PLAGL2: variants seen among roughly 807,000 people sequenced by gnomAD.
PLAGL2 encodes the protein PLAG1 like zinc finger 2, also known as zinc finger protein PLAGL2.
A neutral mutation model predicts 29.0 loss-of-function variants in PLAGL2; 7 were observed. The observed-to-expected ratio is 0.24, with a 90% CI of 0.14 to 0.45. The LOEUF (loss-of-function observed/expected upper bound fraction) is 0.45. Ranked by LOEUF, PLAGL2 falls within the 20% of genes least tolerant of loss-of-function variation. PLAGL2 has a pLI of 0.99. For synonymous variants in PLAGL2, 234 were observed against 266.0 expected (o/e 0.88, Z 1.17); for missense variants, 454 against 648.2 (o/e 0.70, Z 3.25).
intron 1 of PLAGL2, among the ~76,000 whole-genome samples, chr20:32,205,188 G>A (rs2047279848): frequency 6.6e-6 from 1 of 152,146 alleles, no homozygotes; most frequent in Non-Finnish European, 1.5e-5. Context: ...CCTTCTCTGA[G>A]GTCTCGGCTG....
In PLAGL2 at chr20:32,194,057, T is replaced by A. The variant is rs1175979370; in HGVS notation, c.*2395A>T. On this transcript the variant is annotated 3_prime_UTR_variant, in exon 3 of 3. Transcript: ENST00000246229. ...TTAAACAGTTGCTTTGCCAGTCCTA[T>A]GACTTTTCCAGCATCACTTACGGGG... 1.3e-5 allele frequency: 2 copies of A among 152,662 alleles called. No homozygotes were observed. The highest frequency in any genetic ancestry group is 6.5e-5 in the Admixed American group (1 of 15,288). 9.5% of individuals were successfully genotyped at this position (152,662 alleles called of 1,614,324 possible).
rs1269791351 is a variant in PLAGL2, at chr20:32,194,937, G to A, written c.*1515C>T. The A allele has an allele frequency of 2.0e-5, 3 of 152,790 alleles. No individual in the cohort carries two copies. Among genetic ancestry groups the A allele is most frequent in the Admixed American group, 6.5e-5 (1 of 15,306 alleles). The allele number at this position is 152,790 out of a possible 1,614,324, so 9.5% of individuals were successfully genotyped here. On this transcript the variant is annotated 3_prime_UTR_variant, in exon 3 of 3. Transcript: ENST00000246229. ...AGTGAAGCCCATGAAGAACTGAGAT[G>A]AAGCAAGGATGGGGTTCCTGGGCTC...
chr20:32,203,569 T>C (rs1187347419), intron 1 of PLAGL2, among the ~76,000 whole-genome samples: 2 of 152,184 alleles, frequency 1.3e-5, no homozygotes, highest in African/African-American at 2.4e-5. Flanking sequence ...GGCTTTTCCA[T>C]GTGAAGAGAG....
chr20:32,196,783 G>A lies in PLAGL2; in HGVS notation c.1160C>T (p.Ala387Val), dbSNP rs912065128. 2 of 1,609,130 alleles carry A rather than the reference G, an allele frequency of 1.2e-6. No individual in the cohort carries two copies. The highest frequency in any genetic ancestry group is 2.7e-5 in the African/African-American group (2 of 74,870). Residue 387 changes from alanine to valine, a missense_variant, in exon 3 of 3, where the codon GCT (alanine) becomes GTT (valine). Coordinates refer to ENST00000246229, the MANE Select transcript of PLAGL2 (RefSeq NM_002657.3). Reference protein sequence around the residue: ...PQPASPQPAAAAALLDEALLA... With the variant: ...PQPASPQPAAVAALLDEALLA... ...CAGTGCTTCATCTAGGAGGGCCGCA[G>A]CTGCCGCCGGCTGAGGTGAGGCGGG...
In PLAGL2 at chr20:32,197,157, G is replaced by T; in HGVS notation, c.786C>A (p.Cys262Ter). 1 of 1,614,200 alleles carries T rather than the reference G, an allele frequency of 6.2e-7. No homozygotes were observed. Among genetic ancestry groups the T allele is most frequent in the Non-Finnish European group, 8.5e-7 (1 of 1,180,016 alleles). ...EPVDMLGLLS[C>*]SSTVSVKEEL... ...CTTCCTTCACACTGACTGTGGAGCT[G>T]CAGCTGAGTAGGCCTAACATGTCCA... The change falls in exon 3 of 3, where the codon TGC becomes TGA. Residue 262 changes from cysteine to a stop codon, truncating the protein, a stop_gained. Transcript: ENST00000246229. LOFTEE classifies it high-confidence loss of function. This position sits in a 1 kb window ranked among gnomAD's most constrained non-coding sequence, Gnocchi z 6.6.
Position 32,197,316 on chromosome 20 carries a change from G to A in PLAGL2, c.627C>T (p.His209=). ...RFYTRKDVRR[H]LVVHTGRKDF... is the part of the protein sequence containing the mutation. ...CCTTACGGCCTGTGTGCACCACTAG[G>A]TGCCGCCGTACATCCTTACGAGTAT... Residue 209 remains histidine (H), a synonymous_variant, in exon 3 of 3, where the codon CAC becomes CAT. Transcript: ENST00000246229. This position sits in a 1 kb window ranked among gnomAD's most constrained non-coding sequence, Gnocchi z 6.6. 1.9e-6 allele frequency: 3 copies of A among 1,605,210 alleles called. No individual in the cohort carries two copies. Among genetic ancestry groups the A allele is most frequent in the African/African-American group, 1.3e-5 (1 of 74,956 alleles).
At position 32,202,056 on chromosome 20, in the gene PLAGL2, T is replaced by C. The variant is rs376434091; in HGVS notation, c.123A>G (p.Gln41=). 4.5e-5 allele frequency: 73 copies of C among 1,614,108 alleles called. No individual in the cohort carries two copies. Among genetic ancestry groups the C allele is most frequent in the Non-Finnish European group, 5.6e-5 (66 of 1,180,046 alleles). The change falls in exon 2 of 3, where the codon CAA becomes CAG. Residue 41 remains glutamine, a synonymous_variant. Coordinates refer to ENST00000246229, the MANE Select transcript of PLAGL2 (RefSeq NM_002657.3). ...AGAAAGGTGTTCCCGAAATTTCACATTGGCACTTCACTTGACTCTCCGCCT... is the reference window on the plus strand; with the variant it reads ...AGAAAGGTGTTCCCGAAATTTCACACTGGCACTTCACTTGACTCTCCGCCT... The part of the protein sequence containing the change: ...GREAESQVKC[Q]CEISGTPFSN...
chr20:32,197,054 T>C lies in PLAGL2; in HGVS notation c.889A>G (p.Met297Val). 1 of 1,614,194 alleles carries C rather than the reference T, an allele frequency of 6.2e-7. No individual in the cohort carries two copies. Among genetic ancestry groups the C allele is most frequent in the Non-Finnish European group, 8.5e-7 (1 of 1,180,028 alleles). ...KAFPGMLPMG[M>V]YGAHIPTMPS... ...ATGGTAGGGATGTGGGCACCATACA[T>C]GCCCATGGGCAACATGCCAGGGAAG... is the stretch of plus-strand genomic sequence containing the variant. The change falls in exon 3 of 3, where the codon ATG becomes GTG. Residue 297 changes from methionine to valine, a missense_variant. Met to Val is a conservative substitution (Grantham distance 21). Around this residue, in one of 4 missense-constraint regions of PLAGL2, gnomAD observed 247 missense variants for 350.3 expected, o/e 0.71. Coordinates refer to ENST00000246229, the MANE Select transcript of PLAGL2 (RefSeq NM_002657.3). This position sits in a 1 kb window ranked among gnomAD's most constrained non-coding sequence, Gnocchi z 6.6.
rs1372987835 is a variant in PLAGL2, at chr20:32,193,489, T to G, written c.*2963A>C. The stretch of plus-strand genomic sequence containing the variant: ...GATCCTTTGAGCTGACACCTGGGCA[T>G]GTCATCCCCTTACCCCCAGGACTGT... On this transcript the variant is annotated 3_prime_UTR_variant, in exon 3 of 3. Coordinates refer to ENST00000246229, the MANE Select transcript of PLAGL2 (RefSeq NM_002657.3). 1.3e-5 allele frequency: 2 copies of G among 152,182 alleles called. No homozygotes were observed. Among genetic ancestry groups the G allele is most frequent in the East Asian group, 3.9e-4 (2 of 5,192 alleles). 9.4% of individuals were successfully genotyped at this position (152,182 alleles called of 1,614,324 possible).
intron 2 of PLAGL2, among the ~76,000 whole-genome samples, chr20:32,199,896 C>T (rs2047249970): frequency 6.6e-6 from 1 of 151,970 alleles, no homozygotes; most frequent in Non-Finnish European, 1.5e-5. Context: ...GTTCCCTTAA[C>T]TTATAGGAGC....
intron 2 of PLAGL2, among the ~76,000 whole-genome samples, chr20:32,198,817 T>C (rs1439269498): frequency 6.6e-6 from 1 of 152,124 alleles, no homozygotes; most frequent in Non-Finnish European, 1.5e-5. Context: ...CCAGCTGCCT[T>C]TGGGGAGAGG....
At position 32,197,477 on chromosome 20, in the gene PLAGL2, G is replaced by C. The variant is rs1020250915; in HGVS notation, c.466C>G (p.Leu156Val). The C allele has an allele frequency of 1.1e-5, 18 of 1,613,484 alleles. No homozygotes were observed. The highest frequency in any genetic ancestry group is 1.4e-5 in the Non-Finnish European group (16 of 1,180,038). Residue 156 changes from leucine (L) to valine (V), a missense_variant, in exon 3 of 3, where the codon CTC (leucine) becomes GTC (valine). Coordinates refer to ENST00000246229, the MANE Select transcript of PLAGL2 (RefSeq NM_002657.3). This position sits in a 1 kb window ranked among gnomAD's most constrained non-coding sequence, Gnocchi z 6.6. Reference protein sequence around the residue: ...LAMHAASSGDLSCKVCLQTFE... With the variant: ...LAMHAASSGDVSCKVCLQTFE... Reference sequence around the variant, plus strand: ...GTCTGCAGGCACACCTTGCAGCTGAGGTCACCGCTGCTGGCAGCATGCATG... The same window carrying C: ...GTCTGCAGGCACACCTTGCAGCTGACGTCACCGCTGCTGGCAGCATGCATG...
Position 32,196,204 on chromosome 20 carries a change from A to T in PLAGL2, c.*248T>A, listed in dbSNP as rs1171845643. ...TGTGGCTCCCGATTCAGGTCAAAAA[A>T]ATAAAAGTAAATAATACCTGAAGTC... On this transcript the variant is annotated 3_prime_UTR_variant, in exon 3 of 3. Coordinates refer to ENST00000246229, the MANE Select transcript of PLAGL2 (RefSeq NM_002657.3). The T allele has an allele frequency of 2.9e-6, 1 of 343,206 alleles. No individual in the cohort carries two copies. Among genetic ancestry groups the T allele is most frequent in the Admixed American group, 4.8e-5 (1 of 20,972 alleles). The allele number at this position is 343,206 out of a possible 1,614,324, so 21.3% of individuals were successfully genotyped here.
At chr20:32,201,454 C>A (rs536944681) in intron 2 of PLAGL2, among the ~76,000 whole-genome samples, 1 of 152,212 alleles carries the variant, frequency 6.6e-6, no homozygotes, top group South Asian at 2.1e-4. Flanking sequence ...TGCGGTGGTT[C>A]AAGCCTGTAA....
At chr20:32,204,324 C>T (rs1019073634) in intron 1 of PLAGL2, among the ~76,000 whole-genome samples, 1 of 152,136 alleles carries the variant, frequency 6.6e-6, no homozygotes, top group African/African-American at 2.4e-5. Flanking sequence ...GAGAACATTA[C>T]GTCCCCACCT....
Position 32,194,598 on chromosome 20 carries a change from C to A in PLAGL2, c.*1854G>T, listed in dbSNP as rs908860518. Reference sequence around the variant, plus strand: ...AGGCTTTTACCTCAAACAAGGAGTACTGGCTTAGGCTGAAGCAGAAAGCTG... The same window carrying A: ...AGGCTTTTACCTCAAACAAGGAGTAATGGCTTAGGCTGAAGCAGAAAGCTG... On this transcript the variant is annotated 3_prime_UTR_variant, in exon 3 of 3. Coordinates refer to ENST00000246229, the MANE Select transcript of PLAGL2 (RefSeq NM_002657.3). The A allele has an allele frequency of 1.3e-5, 2 of 152,650 alleles. No individual in the cohort carries two copies. Among genetic ancestry groups the A allele is most frequent in the African/African-American group, 4.8e-5 (2 of 41,454 alleles). 9.5% of individuals were successfully genotyped at this position (152,650 alleles called of 1,614,324 possible). A position where few individuals can be genotyped will look rare whatever the true frequency, so the allele number is the denominator to read the frequency against.
intron 2 of PLAGL2, 81 bp downstream of exon 2, chr20:32,201,838 A>C (rs754789607): frequency 1.1e-4 from 136 of 1,262,938 alleles, no homozygotes; most frequent in Non-Finnish European, 1.4e-4. Flanking sequence ...CCACAGATTA[A>C]AAACCCACAC....
Position 32,196,504 on chromosome 20 carries a change from G to A in PLAGL2, c.1439C>T (p.Thr480Met). The A allele has an allele frequency of 3.9e-6, 6 of 1,519,488 alleles. No individual in the cohort carries two copies. The highest frequency in any genetic ancestry group is 2.3e-5 in the East Asian group (1 of 44,002). 94.1% of individuals were successfully genotyped at this position (1,519,488 alleles called of 1,614,324 possible). Residue 480 changes from threonine to methionine, a missense_variant, in exon 3 of 3, where the codon ACG becomes ATG. Physicochemically the swap from Thr to Met is moderately conservative, Grantham distance 81. Around this residue, in one of 4 missense-constraint regions of PLAGL2, gnomAD observed 247 missense variants for 350.3 expected, o/e 0.71. Coordinates refer to ENST00000246229, the MANE Select transcript of PLAGL2 (RefSeq NM_002657.3). ...CAGGGTGGTGCTACTCAGGCCAGAC[G>A]TGAAGACAGGAGGCAAGGAGTGCAG... ...GPLHSLPPVF[T>M]SGLSSTTLPR...
In PLAGL2 at chr20:32,202,059, G is replaced by C; in HGVS notation, c.120C>G (p.Cys40Trp). 1 of 1,614,160 alleles carries C rather than the reference G, an allele frequency of 6.2e-7. No individual in the cohort carries two copies. The highest frequency in any genetic ancestry group is 2.2e-5 in the East Asian group (1 of 44,884). Residue 40 changes from cysteine to tryptophan, a missense_variant, in exon 2 of 3, where the codon TGC becomes TGG. Physicochemically the swap from Cys to Trp is radical, Grantham distance 215 (BLOSUM62 -2). Transcript: ENST00000246229. ...AAGGTGTTCCCGAAATTTCACATTG[G>C]CACTTCACTTGACTCTCCGCCTCCC... ...RGREAESQVK[C>W]QCEISGTPFS...
Sources: allele counts gnomAD v4.1 joint callset (sites outside exome capture counted in the v4.1 genomes callset), GRCh38; gene constraint gnomAD v4.1.1; regional missense constraint gnomAD v4.1.1; non-coding constraint Gnocchi (gnomAD v3.1); transcripts MANE v1.5; gene names NCBI Gene and HGNC (gene_info 2026-07-23, HGNC 2026-07-21).